Variants in SAMD12 observed in about 807,000 individuals in gnomAD.
The protein encoded by SAMD12 is sterile alpha motif domain containing 12.
Under a neutral mutation model 15.0 loss-of-function variants are expected in SAMD12, and 9 were observed. The observed-to-expected ratio is 0.60, with a 90% confidence interval of 0.36 to 1.05. The LOEUF (loss-of-function observed/expected upper bound fraction) is 1.05, where lower values mean the gene tolerates loss of function less well. Ranked by LOEUF, SAMD12 falls within the 50% of genes least tolerant of loss-of-function variation. The pLI, the probability that SAMD12 is intolerant of heterozygous loss-of-function variation, is 0.01. For synonymous variants in SAMD12, 86 were observed against 90.1 expected, an observed-to-expected ratio of 0.96 and a Z score of 0.25; for missense variants, 230 against 234.2, an observed-to-expected ratio of 0.98 and a Z score of 0.12.
chr8:118,477,156 C>G (rs1035291712), intron 2 of SAMD12, among the ~76,000 whole-genome samples: 2 of 151,862 alleles, frequency 1.3e-5, no homozygotes, highest in Non-Finnish European at 2.9e-5. Context: ...ACTTCCACCT[C>G]CCGAGTTCAA....
chr8:118,146,100 C>T, the SAMD12 span, among the ~76,000 whole-genome samples: 1 of 152,154 alleles, frequency 6.6e-6, no homozygotes, highest in African/African-American at 2.4e-5. Context: ...AACCATGGAG[C>T]ACCAAACTCC....
intron 4 of SAMD12, among the ~76,000 whole-genome samples, chr8:118,210,067 C>A (rs1819975925): frequency 6.6e-6 from 1 of 152,158 alleles, no homozygotes; most frequent in Non-Finnish European, 1.5e-5. Context: ...CATTTAATTG[C>A]ATTTTATTCT....
chr8:118,312,917 T>C (rs936230058), intron 4 of SAMD12, among the ~76,000 whole-genome samples: 1 of 152,140 alleles, frequency 6.6e-6, no homozygotes, highest in Non-Finnish European at 1.5e-5. Flanking sequence ...GACTTGGTAT[T>C]AAATGAAATA....
chr8:118,525,271 T>C (rs1363764145), intron 2 of SAMD12, among the ~76,000 whole-genome samples: 1 of 152,204 alleles, frequency 6.6e-6, no homozygotes, highest in Non-Finnish European at 1.5e-5. Flanking sequence ...GATTAAATGT[T>C]AGTTTGTTAA....
At chr8:118,595,140 G>C (rs16891238) in intron 1 of SAMD12, among the ~76,000 whole-genome samples, 3,224 of 152,220 alleles carry the variant, frequency 0.021, 110 homozygotes, top group African/African-American at 0.072. Flanking sequence ...GCCCAGCACT[G>C]GTGGATGTGC....
chr8:118,287,004 C>T (rs760430469), intron 4 of SAMD12, among the ~76,000 whole-genome samples: 1 of 152,076 alleles, frequency 6.6e-6, no homozygotes, highest in African/African-American at 2.4e-5. Flanking sequence ...TATGACCCTA[C>T]ACATTTTTTC....
rs372949117 is a variant in SAMD12, at chr8:118,434,888, C to T, written c.322+4944G>A. 6.0e-4 allele frequency among the ~76,000 whole-genome samples: 16 copies of T among 26,672 alleles called. 4 individuals are homozygous for T. Among genetic ancestry groups the T allele is most frequent in the African/African-American group, 1.1e-3 (13 of 12,300 alleles). 17.5% of individuals were successfully genotyped at this position (26,672 alleles called of 152,430 possible). On this transcript the variant is annotated intron_variant, in intron 3 of 3. Coordinates refer to ENST00000314727, the MANE Select transcript of SAMD12 (RefSeq NM_207506.3). ...GGCCGAGGCGGGCGGATCACGAGGTCAGGAGATCGAGACCATCCCGGCTAA... is the reference window on the plus strand; with the variant it reads ...GGCCGAGGCGGGCGGATCACGAGGTTAGGAGATCGAGACCATCCCGGCTAA...
At chr8:118,423,970 A>ATT (rs1221983342) in intron 3 of SAMD12, among the ~76,000 whole-genome samples, 4 of 152,314 alleles carry the variant, frequency 2.6e-5, no homozygotes, top group African/African-American at 9.6e-5. Context: ...CATCTTCTGA[A>ATT]TTCTTTCTAC....
chr8:118,488,620 G>A (rs547612513), intron 2 of SAMD12, among the ~76,000 whole-genome samples: 9 of 152,238 alleles, frequency 5.9e-5, no homozygotes, highest in African/African-American at 2.2e-4. Context: ...CAAAAATGGG[G>A]TGATACAGCA....
chr8:118,561,054 A>C (rs571998499), intron 2 of SAMD12, among the ~76,000 whole-genome samples: 76 of 152,326 alleles, frequency 5.0e-4, no homozygotes, highest in African/African-American at 1.7e-3. Context: ...TACTCACACT[A>C]TACTAATTTT....
intron 3 of SAMD12, among the ~76,000 whole-genome samples, chr8:118,395,549 C>T (rs1479596468): frequency 6.6e-6 from 1 of 152,142 alleles, no homozygotes; most frequent in African/African-American, 2.4e-5. Flanking sequence ...ATGTCATGTA[C>T]AAGGTTCTCC....
intron 1 of SAMD12, among the ~76,000 whole-genome samples, chr8:118,584,081 G>A (rs915751683): frequency 6.6e-6 from 1 of 152,174 alleles, no homozygotes; most frequent in Non-Finnish European, 1.5e-5. Context: ...CATTCAAAAT[G>A]TAAGGTATCT....
intron 4 of SAMD12, among the ~76,000 whole-genome samples, chr8:118,274,809 A>G (rs1243988851): frequency 2.6e-5 from 4 of 152,150 alleles, no homozygotes; most frequent in Admixed American, 6.5e-5. Flanking sequence ...TTCCTCCTAT[A>G]TAGGAGGCCA....
chr8:118,592,895 A>C (rs1179086953), intron 1 of SAMD12, among the ~76,000 whole-genome samples: 1 of 152,220 alleles, frequency 6.6e-6, no homozygotes, highest in Non-Finnish European at 1.5e-5. Context: ...TTCCAGGCAG[A>C]AACAGAAGTA....
chr8:118,546,555 CTTTAAA>C (rs1826131903), intron 2 of SAMD12, among the ~76,000 whole-genome samples: 1 of 152,054 alleles, frequency 6.6e-6, no homozygotes, highest in Non-Finnish European at 1.5e-5. Flanking sequence ...CTATAAAATA[CTTTAAA>C]TTTAAATGTT....
At chr8:118,542,150 T>C (rs138336132) in intron 2 of SAMD12, among the ~76,000 whole-genome samples, 2 of 152,262 alleles carry the variant, frequency 1.3e-5, no homozygotes, top group East Asian at 3.9e-4. Flanking sequence ...CAGTGAGAAA[T>C]AGGCCACCCT....
intron 3 of SAMD12, 104 bp downstream of exon 3, chr8:118,439,728 A>T: frequency 1.7e-6 from 2 of 1,163,690 alleles, no homozygotes; most frequent in Non-Finnish European, 2.5e-6. Flanking sequence ...CCATGCCAGA[A>T]AATTTCAGCA....
At chr8:118,225,514 C>T (rs2129892529) in intron 4 of SAMD12, among the ~76,000 whole-genome samples, 1 of 152,222 alleles carries the variant, frequency 6.6e-6, no homozygotes, top group Non-Finnish European at 1.5e-5. Flanking sequence ...CTGTACCATG[C>T]TGGGGGCAGC....
At chr8:118,236,067 T>G (rs1327992209) in intron 4 of SAMD12, among the ~76,000 whole-genome samples, 1 of 152,180 alleles carries the variant, frequency 6.6e-6, no homozygotes. Context: ...TGACATACAT[T>G]GTCAAGCACT....
Sources: gnomAD v4.1 joint callset for allele counts (sites outside exome capture counted in the v4.1 genomes callset) on GRCh38, gnomAD v4.1.1 for gene constraint, MANE v1.5 for transcripts, NCBI Gene and HGNC (gene_info 2026-07-23, HGNC 2026-07-21) for gene names.